SLC24A3: variants seen among roughly 807,000 people sequenced by gnomAD.
SLC24A3 encodes the protein sodium/potassium/calcium exchanger 3.
Under a neutral mutation model 75.8 loss-of-function variants are expected in SLC24A3, and 28 were observed. That is an observed-to-expected ratio of 0.37 (90% CI 0.27 to 0.51). SLC24A3 has a LOEUF of 0.51. SLC24A3 is among the 20% of genes least tolerant of loss of function. SLC24A3 has a pLI of 0.94. For synonymous variants in SLC24A3, 372 were observed against 334.1 expected (o/e 1.11, Z -1.24); for missense variants, 663 against 847.8 (o/e 0.78, Z 2.71).
At chr20:19,303,974 A>G (rs1260609135) in intron 2 of SLC24A3, among the ~76,000 whole-genome samples, 1 of 152,216 alleles carries the variant, frequency 6.6e-6, no homozygotes, top group Non-Finnish European at 1.5e-5. Context: ...CACAAAAACC[A>G]GGAGGCCATG....
intron 1 of SLC24A3, among the ~76,000 whole-genome samples, chr20:19,238,502 G>A (rs549726961): frequency 6.6e-6 from 1 of 152,292 alleles, no homozygotes; most frequent in Admixed American, 6.5e-5. Flanking sequence ...GGGTCTGAGG[G>A]GATGCTATGT....
At chr20:19,340,268 CATGTGAAGAT>C (rs1985240200) in intron 2 of SLC24A3, among the ~76,000 whole-genome samples, 1 of 152,164 alleles carries the variant, frequency 6.6e-6, no homozygotes, top group African/African-American at 2.4e-5. Context: ...GGGAGCACTC[CATGTGAAGAT>C]AAAGGCAGTT....
At chr20:19,295,272 G>C (rs1049551309) in intron 2 of SLC24A3, among the ~76,000 whole-genome samples, 1 of 152,278 alleles carries the variant, frequency 6.6e-6, no homozygotes, top group East Asian at 1.9e-4. Context: ...TGAGACCATG[G>C]GGTTTTCTAG....
At chr20:19,320,820 AAAC>A (rs941950142) in intron 2 of SLC24A3, among the ~76,000 whole-genome samples, 40 of 152,240 alleles carry the variant, frequency 2.6e-4, no homozygotes, top group African/African-American at 9.1e-4. Flanking sequence ...AATTACGAGA[AAAC>A]AGTCTGTACA....
At position 19,260,043 on chromosome 20, in the gene SLC24A3, G is replaced by A. The variant is rs374692420; in HGVS notation, c.143-20916G>A. Reference sequence around the variant, plus strand: ...TATTAAGGGAAGGTCTCTGGAGTGGGATCTGGAAGGTGGATACCAGGCCCA... The same window carrying A: ...TATTAAGGGAAGGTCTCTGGAGTGGAATCTGGAAGGTGGATACCAGGCCCA... On this transcript the variant is annotated intron_variant, in intron 1 of 16. Coordinates refer to ENST00000328041, the MANE Select transcript of SLC24A3 (RefSeq NM_020689.4). 2.8e-4 allele frequency among the ~76,000 whole-genome samples: 42 copies of A among 152,348 alleles called. 1 individual carries two copies. In the South Asian group the frequency reaches 7.9e-3, roughly 29 times the overall value.
chr20:19,583,997 G>A (rs925638095), intron 4 of SLC24A3, among the ~76,000 whole-genome samples: 1 of 152,204 alleles, frequency 6.6e-6, no homozygotes, highest in Non-Finnish European at 1.5e-5. Context: ...GCCCCTCTCT[G>A]GCTGAGCAAG....
At chr20:19,218,374 G>A (rs142351377) in intron 1 of SLC24A3, among the ~76,000 whole-genome samples, 22 of 152,288 alleles carry the variant, frequency 1.4e-4, no homozygotes, top group Admixed American at 5.2e-4. Flanking sequence ...CCTAGTGTCT[G>A]TTAAGTGGAG....
intron 2 of SLC24A3, among the ~76,000 whole-genome samples, chr20:19,460,644 T>C (rs568066293): frequency 2.6e-4 from 39 of 152,226 alleles, no homozygotes; most frequent in African/African-American, 8.2e-4. Context: ...TCTTAACCAC[T>C]CTACTCAACT....
chr20:19,219,225 C>CTGT (rs1426513910), intron 1 of SLC24A3, among the ~76,000 whole-genome samples: 2 of 152,078 alleles, frequency 1.3e-5, no homozygotes, highest in East Asian at 3.9e-4. Context: ...ATGCTCCTTG[C>CTGT]TGTTGCTAGT....
chr20:19,384,755 A>G (rs1181452861), intron 2 of SLC24A3, among the ~76,000 whole-genome samples: 3 of 152,240 alleles, frequency 2.0e-5, no homozygotes, highest in African/African-American at 4.8e-5. Context: ...AAGAATCATC[A>G]TACTCTTTTC....
At chr20:19,618,729 G>T (rs2031768874) in intron 6 of SLC24A3, among the ~76,000 whole-genome samples, 1 of 152,192 alleles carries the variant, frequency 6.6e-6, no homozygotes, top group Admixed American at 6.5e-5. Flanking sequence ...TTGTTGTAAA[G>T]ATTAAATGAG....
intron 2 of SLC24A3, among the ~76,000 whole-genome samples, chr20:19,340,312 T>C (rs994900141): frequency 6.6e-6 from 1 of 152,096 alleles, no homozygotes; most frequent in African/African-American, 2.4e-5. Context: ...GCCTGCAAGA[T>C]GAGGAAAACC....
chr20:19,357,512 A>G (rs903502458), intron 2 of SLC24A3, among the ~76,000 whole-genome samples: 1 of 152,156 alleles, frequency 6.6e-6, no homozygotes, highest in African/African-American at 2.4e-5. Context: ...TTGCTGCATT[A>G]TGGATATTAA....
chr20:19,541,291 G>C (rs1319972568), intron 3 of SLC24A3, among the ~76,000 whole-genome samples: 1 of 152,200 alleles, frequency 6.6e-6, no homozygotes, highest in African/African-American at 2.4e-5. Flanking sequence ...TCTGGAAGAT[G>C]TTGGAGCTAT....
At chr20:19,411,149 A>G (rs1401695440) in intron 2 of SLC24A3, among the ~76,000 whole-genome samples, 12 of 152,102 alleles carry the variant, frequency 7.9e-5, no homozygotes, top group Non-Finnish European at 1.6e-4. Context: ...ACCCAGGGTG[A>G]TCACAATCTG....
In SLC24A3 at chr20:19,213,960, A is replaced by G. The variant is rs890115178; in HGVS notation, c.142+976A>G. On this transcript the variant is annotated intron_variant, in intron 1 of 16. Transcript: ENST00000328041. ...AGAAACAAAACAAAACAAAACAAAC[A>G]AACAAAAAAACAGTTACAAGTATGT... Among the ~76,000 whole-genome samples the G allele has an allele frequency of 6.6e-5, 10 of 152,228 alleles. No homozygotes were observed. The East Asian group carries it at 1.9e-3, about 29-fold the overall frequency.
intron 1 of SLC24A3, among the ~76,000 whole-genome samples, chr20:19,227,007 A>G (rs1424052138): frequency 6.6e-6 from 1 of 152,156 alleles, no homozygotes; most frequent in African/African-American, 2.4e-5. Context: ...GTGGTATTTC[A>G]GCATCAAAAG....
chr20:19,677,897 T>G (rs571163343), intron 9 of SLC24A3, among the ~76,000 whole-genome samples: 95 of 151,012 alleles, frequency 6.3e-4, no homozygotes, highest in African/African-American at 2.3e-3. Flanking sequence ...GATTAGGGAG[T>G]GGTGATGACT....
At chr20:19,328,077 C>A (rs184154135) in intron 2 of SLC24A3, among the ~76,000 whole-genome samples, 297 of 152,180 alleles carry the variant, frequency 2.0e-3, no homozygotes, top group Admixed American at 7.7e-3. Flanking sequence ...TTTGAGCAGT[C>A]TCTGAAGGAG....
Sources: gnomAD v4.1 joint callset for allele counts (sites outside exome capture counted in the v4.1 genomes callset) on GRCh38, gnomAD v4.1.1 for gene constraint, MANE v1.5 for transcripts, NCBI Gene and HGNC (gene_info 2026-07-23, HGNC 2026-07-21) for gene names.